The following CDH12 variants were observed in gnomAD, a reference collection of about 807,000 sequenced individuals.
The protein encoded by CDH12 is cadherin 12, also known as cadherin-12.
A neutral mutation model predicts 74.1 loss-of-function variants in CDH12; 41 were observed. The observed-to-expected ratio is 0.55, with a 90% confidence interval of 0.43 to 0.72. The LOEUF (loss-of-function observed/expected upper bound fraction) is 0.72. CDH12 is among the 30% of genes least tolerant of loss of function. CDH12 has a pLI of 0.00. For synonymous variants in CDH12, 399 were observed against 355.0 expected (o/e 1.12, Z -1.39); for missense variants, 945 against 977.2 (o/e 0.97, Z 0.44).
At chr5:22,756,089 T>A in intron 1 of CDH12, among the ~76,000 whole-genome samples, 1 of 120,928 alleles carries the variant, frequency 8.3e-6, no homozygotes. Context: ...GATCCTAACT[T>A]CAAGGACCGA....
intron 4 of CDH12, among the ~76,000 whole-genome samples, chr5:22,191,006 C>T (rs1035793788): frequency 5.9e-5 from 9 of 152,166 alleles, no homozygotes; most frequent in Non-Finnish European, 1.0e-4. Context: ...AATAGTTTTC[C>T]TTTCCTATTC....
chr5:21,897,060 A>T (rs1753157368), intron 6 of CDH12, among the ~76,000 whole-genome samples: 1 of 152,248 alleles, frequency 6.6e-6, no homozygotes, highest in Non-Finnish European at 1.5e-5. Context: ...AGATGAACAT[A>T]TAAGTTTTAT....
chr5:21,756,977 C>G (rs1465190894), intron 13 of CDH12, among the ~76,000 whole-genome samples: 1 of 152,158 alleles, frequency 6.6e-6, no homozygotes, highest in Admixed American at 6.5e-5. Flanking sequence ...ACATTTAAAT[C>G]TTCAGCAATT....
At chr5:22,176,579 T>G (rs1009720545) in intron 4 of CDH12, among the ~76,000 whole-genome samples, 18 of 152,144 alleles carry the variant, frequency 1.2e-4, no homozygotes, top group African/African-American at 1.7e-4. Flanking sequence ...TCTGGTTAGT[T>G]CTACCCCAAA....
chr5:22,736,734 A>AC (rs1246538512), intron 1 of CDH12, among the ~76,000 whole-genome samples: 48 of 151,854 alleles, frequency 3.2e-4, no homozygotes, highest in African/African-American at 9.9e-4. Flanking sequence ...ACACACACAC[A>AC]AAAAGCCTAG....
At chr5:21,979,976 A>G (rs1041222806) in intron 5 of CDH12, among the ~76,000 whole-genome samples, 1 of 151,558 alleles carries the variant, frequency 6.6e-6, no homozygotes, top group Non-Finnish European at 1.5e-5. Flanking sequence ...AATGATTGCC[A>G]TTCTAACTGG....
intron 5 of CDH12, among the ~76,000 whole-genome samples, chr5:22,020,446 C>CG (rs1561026564): frequency 6.6e-6 from 1 of 151,082 alleles, no homozygotes; most frequent in African/African-American, 2.4e-5. Flanking sequence ...CTCTGCTACT[C>CG]GGGGGGCTGA....
intron 5 of CDH12, among the ~76,000 whole-genome samples, chr5:22,067,660 C>G (rs1040609634): frequency 6.6e-6 from 1 of 152,104 alleles, no homozygotes; most frequent in Non-Finnish European, 1.5e-5. Flanking sequence ...TTTGGTTGGT[C>G]TCATTTGATG....
chr5:22,825,186 A>T (rs1239941626), intron 1 of CDH12, among the ~76,000 whole-genome samples: 1 of 152,150 alleles, frequency 6.6e-6, no homozygotes, highest in East Asian at 1.9e-4. Flanking sequence ...TATAGCAAGA[A>T]ACAAAATTAA....
intron 1 of CDH12, among the ~76,000 whole-genome samples, chr5:22,782,325 G>A (rs551557599): frequency 5.3e-5 from 8 of 152,074 alleles, no homozygotes; most frequent in South Asian, 2.1e-4. Context: ...GGTAGGACCC[G>A]GTGGGAAGTG....
At chr5:22,778,569 T>C (rs982555505) in intron 1 of CDH12, among the ~76,000 whole-genome samples, 2 of 152,166 alleles carry the variant, frequency 1.3e-5, no homozygotes, top group Admixed American at 6.5e-5. Flanking sequence ...TATATAAATA[T>C]AATGTGTTTG....
chr5:22,032,504 C>T (rs921909613), intron 5 of CDH12, among the ~76,000 whole-genome samples: 2 of 151,704 alleles, frequency 1.3e-5, no homozygotes, highest in African/African-American at 4.8e-5. Context: ...TGAGGTTGGG[C>T]ATTCAAGACC....
intron 6 of CDH12, among the ~76,000 whole-genome samples, chr5:21,922,984 A>ATATCTATATCTATATC (rs1561301664): frequency 1.2e-5 from 1 of 84,960 alleles, no homozygotes; most frequent in Non-Finnish European, 2.8e-5. Flanking sequence ...ATATCTATAT[A>ATATCTATATCTATATC]TGGAGAGAAG....
At chr5:22,242,018 CTTTA>C (rs1235387504) in intron 3 of CDH12, among the ~76,000 whole-genome samples, 1 of 151,994 alleles carries the variant, frequency 6.6e-6, no homozygotes, top group Non-Finnish European at 1.5e-5. Context: ...GCCAATATTT[CTTTA>C]TTTGTTAAAA....
chr5:22,681,677 A>G (rs1372926193), intron 1 of CDH12, among the ~76,000 whole-genome samples: 2 of 152,116 alleles, frequency 1.3e-5, no homozygotes, highest in Non-Finnish European at 2.9e-5. Context: ...TCTATAAGTA[A>G]AGGAATACAA....
intron 1 of CDH12, among the ~76,000 whole-genome samples, chr5:22,770,098 T>G (rs565908221): frequency 6.6e-6 from 1 of 151,934 alleles, no homozygotes; most frequent in South Asian, 2.1e-4. Context: ...CCGAGAGATA[T>G]TCACATGTCC....
intron 1 of CDH12, among the ~76,000 whole-genome samples, chr5:22,556,513 A>T (rs767768064): frequency 2.0e-5 from 3 of 152,112 alleles, no homozygotes; most frequent in Non-Finnish European, 2.9e-5. Context: ...CCTTCAGTCC[A>T]GCCTTTCTAC....
At chr5:21,813,883 C>T (rs146485377) in intron 9 of CDH12, among the ~76,000 whole-genome samples, 2 of 152,088 alleles carry the variant, frequency 1.3e-5, no homozygotes. Flanking sequence ...AGCTTGAATT[C>T]ATCACTGCTG....
intron 2 of CDH12, among the ~76,000 whole-genome samples, chr5:22,485,238 G>A (rs1179961809): frequency 6.6e-6 from 1 of 151,998 alleles, no homozygotes; most frequent in Non-Finnish European, 1.5e-5. Flanking sequence ...CTGGAATGCA[G>A]TGGCCTCATA....
Sources: allele counts gnomAD v4.1 joint callset (sites outside exome capture counted in the v4.1 genomes callset), GRCh38; gene constraint gnomAD v4.1.1; transcripts MANE v1.5; gene names NCBI Gene and HGNC (gene_info 2026-07-23, HGNC 2026-07-21).